The following TUSC3 variants were observed in gnomAD, a reference collection of about 807,000 sequenced individuals.
TUSC3 encodes the protein dolichyl-diphosphooligosaccharide--protein glycosyltransferase subunit TUSC3.
A neutral mutation model predicts 44.8 loss-of-function variants in TUSC3; 45 were observed. That is an observed-to-expected ratio of 1.00 (90% confidence interval 0.79 to 1.29). The LOEUF (loss-of-function observed/expected upper bound fraction) is 1.29. Ranked by LOEUF, TUSC3 falls within the 50% of genes most tolerant of loss-of-function variation. The pLI, the probability that TUSC3 is intolerant of heterozygous loss-of-function variation, is 0.00. For missense variants in TUSC3, 519 were observed against 437.9 expected, an observed-to-expected ratio of 1.19 and a Z score of -1.65; for synonymous variants, 212 against 152.9, an observed-to-expected ratio of 1.39 and a Z score of -2.85.
intron 9 of TUSC3, among the ~76,000 whole-genome samples, chr8:15,754,449 A>G (rs1389408565): frequency 6.6e-6 from 1 of 152,168 alleles, no homozygotes; most frequent in African/African-American, 2.4e-5. Context: ...CTGCTAGTAC[A>G]GACACACATT....
At chr8:15,446,896 A>T (rs1300253136) in intron 1 of TUSC3, among the ~76,000 whole-genome samples, 2 of 41,532 alleles carry the variant, frequency 4.8e-5, no homozygotes, top group Non-Finnish European at 2.1e-4. Context: ...ATGAGTAGGT[A>T]ACAGAAAAAA....
the TUSC3 span, among the ~76,000 whole-genome samples, chr8:15,822,963 G>A: frequency 2.6e-5 from 4 of 152,038 alleles, no homozygotes; most frequent in Non-Finnish European, 5.9e-5. Context: ...ATTGGCCCTC[G>A]TAACTCAATA....
intron 5 of TUSC3, among the ~76,000 whole-genome samples, chr8:15,666,119 C>A (rs1302555423): frequency 6.6e-6 from 1 of 151,272 alleles, no homozygotes; most frequent in Non-Finnish European, 1.5e-5. Context: ...GACTTGGAAC[C>A]AAAATGAGTT....
rs73665423 is a variant in TUSC3, at chr8:15,513,625, G to A, written n.189+30142G>A. ...TGACGGTAGATTTAATGGTGGTCAA[G>A]TGCTTTGTTTTAGGAAAAAAACTCA... is the stretch of plus-strand genomic sequence containing the variant. On this transcript the variant is annotated intron_variant and non_coding_transcript_variant, in intron 2 of 5. Coordinates refer to the TUSC3 transcript ENST00000503191. Among the ~76,000 whole-genome samples the A allele has an allele frequency of 9.0e-3, 1,375 of 152,248 alleles. 24 individuals carry two copies. The highest frequency in any genetic ancestry group is 0.032 in the African/African-American group (1,321 of 41,556).
intron 1 of TUSC3, among the ~76,000 whole-genome samples, chr8:15,613,040 C>T (rs1024535208): frequency 6.9e-6 from 1 of 145,650 alleles, no homozygotes; most frequent in African/African-American, 2.5e-5. Flanking sequence ...CATCGCATAT[C>T]AATATAAGCC....
At chr8:15,428,162 T>A (rs956653994) in intron 1 of TUSC3, among the ~76,000 whole-genome samples, 1 of 128,304 alleles carries the variant, frequency 7.8e-6, no homozygotes, top group African/African-American at 3.0e-5. Context: ...ATCGTCCCCT[T>A]CCTGTGTCCA....
intron 1 of TUSC3, among the ~76,000 whole-genome samples, chr8:15,571,257 A>G (rs1213105075): frequency 3.3e-5 from 5 of 151,968 alleles, no homozygotes; most frequent in Admixed American, 1.3e-4. Flanking sequence ...ACCCACCGCT[A>G]TTAATTTTTT....
At chr8:15,423,504 G>A (rs745799451) in intron 1 of TUSC3, among the ~76,000 whole-genome samples, 7 of 152,136 alleles carry the variant, frequency 4.6e-5, no homozygotes, top group African/African-American at 7.2e-5. Flanking sequence ...GTTCAAAATT[G>A]TATTCTTTCG....
intron 5 of TUSC3, 91 bp from the exon 6 acceptor site, chr8:15,673,656 A>G: frequency 9.0e-7 from 1 of 1,110,786 alleles, no homozygotes; most frequent in East Asian, 2.4e-5. Flanking sequence ...GATTTTTAAA[A>G]GATACTTTCA....
At position 15,491,172 on chromosome 8, in the gene TUSC3, C is replaced by G. The variant is rs576230306; in HGVS notation, n.189+7689C>G. 2.0e-5 allele frequency among the ~76,000 whole-genome samples: 3 copies of G among 152,186 alleles called. No individual in the cohort carries two copies. In the South Asian group the frequency reaches 6.3e-4, roughly 32 times the overall value. ...AGGATAGAGAAAGCAGTCAGACCTGCCTTTGTCTCAGTAGAGTGAAGGGAT... is the reference window on the plus strand; with the variant it reads ...AGGATAGAGAAAGCAGTCAGACCTGGCTTTGTCTCAGTAGAGTGAAGGGAT... On this transcript the variant is annotated intron_variant and non_coding_transcript_variant, in intron 2 of 5. Transcript: ENST00000503191.
chr8:15,546,873 TTGCC>T (rs1045305027), intron 1 of TUSC3, among the ~76,000 whole-genome samples: 2 of 151,544 alleles, frequency 1.3e-5, no homozygotes, highest in African/African-American at 2.4e-5. Context: ...TGGTATCTGT[TTGCC>T]TGCCTGCCTG....
At chr8:15,621,219 G>C (rs1042771404) in intron 1 of TUSC3, among the ~76,000 whole-genome samples, 1 of 151,578 alleles carries the variant, frequency 6.6e-6, no homozygotes, top group East Asian at 1.9e-4. Context: ...AGGCTCAAAA[G>C]AATTTATATA....
chr8:15,801,179 A>G, the TUSC3 span, among the ~76,000 whole-genome samples: 1 of 152,208 alleles, frequency 6.6e-6, no homozygotes, highest in Admixed American at 6.5e-5. Context: ...TTTCTTGATT[A>G]TATGCTAAAC....
the TUSC3 span, among the ~76,000 whole-genome samples, chr8:15,835,699 G>A: frequency 6.6e-6 from 1 of 152,132 alleles, no homozygotes; most frequent in African/African-American, 2.4e-5. Context: ...GTGCAGCTAG[G>A]AGAGAAGATA....
intron 1 of TUSC3, among the ~76,000 whole-genome samples, chr8:15,451,490 G>A (rs977042314): frequency 6.6e-6 from 1 of 152,126 alleles, no homozygotes; most frequent in African/African-American, 2.4e-5. Context: ...AAGCCAAAAG[G>A]ATAGGATTGG....
rs183038240 is a variant in TUSC3 at position 15,615,354 on chromosome 8, G to T, written c.139-7726G>T. On this transcript the variant is annotated intron_variant, in intron 1 of 10. Coordinates refer to ENST00000503731, the MANE Select transcript of TUSC3 (RefSeq NM_006765.4). Reference sequence around the variant, plus strand: ...ACATTGTGTTAAATGAAGTAAGTCAGGCACAAAAAGACAAACATCACATGT... The same window carrying T: ...ACATTGTGTTAAATGAAGTAAGTCATGCACAAAAAGACAAACATCACATGT... 1.3e-3 allele frequency among the ~76,000 whole-genome samples: 191 copies of T among 152,206 alleles called. 3 individuals carry two copies. The highest frequency in any genetic ancestry group is 1.6e-4 in the Non-Finnish European group (11 of 67,992).
intron 2 of TUSC3, among the ~76,000 whole-genome samples, chr8:15,499,600 C>G (rs2129126755): frequency 1.3e-5 from 2 of 152,248 alleles, no homozygotes; most frequent in Middle Eastern, 3.4e-3. Flanking sequence ...AATGCTCATT[C>G]TTGGTATGAT....
intron 1 of TUSC3, among the ~76,000 whole-genome samples, chr8:15,482,513 G>C (rs992452447): frequency 6.6e-6 from 1 of 152,112 alleles, no homozygotes. Flanking sequence ...GCTTAGAAAA[G>C]AAAGATTCCT....
At chr8:15,421,203 T>G (rs1002784068) in intron 1 of TUSC3, among the ~76,000 whole-genome samples, 1 of 152,270 alleles carries the variant, frequency 6.6e-6, no homozygotes, top group Non-Finnish European at 1.5e-5. Context: ...AAGTTAGATC[T>G]TGTAACCCCT....
Sources: gnomAD v4.1 joint callset for allele counts (sites outside exome capture counted in the v4.1 genomes callset) on GRCh38, gnomAD v4.1.1 for gene constraint, MANE v1.5 for transcripts, NCBI Gene and HGNC (gene_info 2026-07-23, HGNC 2026-07-21) for gene names.